Variants in DIS3L2 observed in about 807,000 individuals in gnomAD.
DIS3L2 encodes DIS3 like 3'-5' exoribonuclease 2, also known as DIS3-like exonuclease 2.
A neutral mutation model predicts 97.5 loss-of-function variants in DIS3L2; 34 were observed. The observed-to-expected ratio is 0.35, with a 90% CI of 0.27 to 0.46. The LOEUF is 0.46. DIS3L2 is among the 20% of genes least tolerant of loss of function. The pLI is 1.00. For synonymous variants in DIS3L2, 435 were observed against 445.2 expected (o/e 0.98, Z 0.29); for missense variants, 1,038 against 1,146.0 (o/e 0.91, Z 1.36).
intron 7 of DIS3L2, among the ~76,000 whole-genome samples, chr2:232,133,987 C>CAAAAAA (rs60195881): frequency 3.9e-5 from 3 of 76,324 alleles, no homozygotes; most frequent in African/African-American, 7.3e-5. Flanking sequence ...GACTCTGTCT[C>CAAAAAA]AAAAAAAAAA....
At chr2:232,044,827 A>G (rs1208318013) in intron 5 of DIS3L2, among the ~76,000 whole-genome samples, 1 of 152,094 alleles carries the variant, frequency 6.6e-6, no homozygotes, top group Non-Finnish European at 1.5e-5. Context: ...GCAGCAGGGA[A>G]TGATGTGCCA....
chr2:231,979,409 A>C (rs555480554), intron 1 of DIS3L2, among the ~76,000 whole-genome samples: 1 of 151,620 alleles, frequency 6.6e-6, no homozygotes, highest in Admixed American at 6.6e-5. Flanking sequence ...GGCATTCACC[A>C]CCATGCCCGG....
At chr2:232,254,761 T>C in intron 12 of DIS3L2, among the ~76,000 whole-genome samples, 1 of 152,178 alleles carries the variant, frequency 6.6e-6, no homozygotes, top group African/African-American at 2.4e-5. Context: ...TTGGAGGTAG[T>C]GTCTGGTGCC....
chr2:231,982,958 G>A (rs1450597961), intron 1 of DIS3L2, among the ~76,000 whole-genome samples: 1 of 152,156 alleles, frequency 6.6e-6, no homozygotes, highest in Non-Finnish European at 1.5e-5. Context: ...GGGATTACAG[G>A]TGTGAGCCAC....
chr2:232,022,147 T>G (rs1694536441), intron 3 of DIS3L2, among the ~76,000 whole-genome samples: 1 of 152,168 alleles, frequency 6.6e-6, no homozygotes, highest in Admixed American at 6.5e-5. Context: ...GCCAGCTGCT[T>G]CTCTCAGGCT....
intron 13 of DIS3L2, among the ~76,000 whole-genome samples, chr2:232,299,740 A>G (rs573288444): frequency 3.1e-4 from 47 of 152,374 alleles, no homozygotes; most frequent in African/African-American, 1.1e-3. Flanking sequence ...AGACCCATGA[A>G]AAGAGTCTGC....
chr2:232,195,887 G>A (rs1691739397), intron 9 of DIS3L2, among the ~76,000 whole-genome samples: 1 of 145,910 alleles, frequency 6.9e-6, no homozygotes, highest in African/African-American at 2.8e-5. Context: ...GTTTTATGAA[G>A]GCAGTCTAGT....
Position 232,041,765 on chromosome 2 carries a change from AC to A in DIS3L2, c.366+11686del, listed in dbSNP as rs1458008253. Among the ~76,000 whole-genome samples the A allele has an allele frequency of 7.9e-5, 12 of 152,340 alleles. 1 individual carries two copies. Among genetic ancestry groups the A allele is most frequent in the Middle Eastern group, 3.4e-3 (1 of 294 alleles). The stretch of plus-strand genomic sequence containing the variant: ...GCAAAAGAGATGGATTTCAAGTGAA[AC>A]TTTTACTCATTGAAACTGTTAAAAA... On this transcript the variant is annotated intron_variant, in intron 5 of 20. Transcript: ENST00000325385.
At chr2:232,255,574 G>A in intron 12 of DIS3L2, among the ~76,000 whole-genome samples, 1 of 152,142 alleles carries the variant, frequency 6.6e-6, no homozygotes, top group South Asian at 2.1e-4. Flanking sequence ...AATAAACGCT[G>A]AATAATTTAT....
rs916060836 is a variant in DIS3L2, at chr2:232,163,502, G to C, written c.994G>C (p.Glu332Gln). The change falls in exon 9 of 21, where the codon GAA becomes CAA. Residue 332 changes from glutamate (E) to glutamine (Q), a missense_variant. Coordinates refer to ENST00000325385, the MANE Select transcript of DIS3L2 (RefSeq NM_152383.5). ...TGGGCAGGCTGGTGAAATTGAGCCT[G>C]AAACAGAAGGAATACTAACAGAGTA... ...SLGQAGEIEP[E>Q]TEGILTEYGV... The C allele has an allele frequency of 1.2e-6, 2 of 1,614,130 alleles. No individual in the cohort carries two copies. The highest frequency in any genetic ancestry group is 1.7e-6 in the Non-Finnish European group (2 of 1,179,994).
intron 1 of DIS3L2, among the ~76,000 whole-genome samples, chr2:231,964,443 A>G (rs1299263481): frequency 6.6e-6 from 1 of 152,106 alleles, no homozygotes; most frequent in Admixed American, 6.5e-5. Flanking sequence ...AAGTAGGAGC[A>G]GGTGTTGTTA....
intron 9 of DIS3L2, among the ~76,000 whole-genome samples, chr2:232,187,984 A>G (rs918625984): frequency 6.6e-5 from 10 of 152,144 alleles, no homozygotes; most frequent in Admixed American, 3.3e-4. Context: ...CAAAAATACA[A>G]AAACAATTAC....
intron 13 of DIS3L2, among the ~76,000 whole-genome samples, chr2:232,284,202 G>A (rs950492530): frequency 6.6e-6 from 1 of 152,278 alleles, no homozygotes; most frequent in South Asian, 2.1e-4. Flanking sequence ...GCACAAACTA[G>A]AAGAGGGTCC....
chr2:231,984,666 T>C (rs960688103), intron 1 of DIS3L2, among the ~76,000 whole-genome samples: 2 of 152,152 alleles, frequency 1.3e-5, no homozygotes, highest in Non-Finnish European at 2.9e-5. Context: ...GTGCTGGGAT[T>C]ACAGGCGTGA....
chr2:232,160,349 A>G (rs574126539), intron 8 of DIS3L2, among the ~76,000 whole-genome samples: 57 of 152,222 alleles, frequency 3.7e-4, no homozygotes, highest in Non-Finnish European at 6.2e-4. Flanking sequence ...TCAAGTATCA[A>G]TTTATTTTAA....
At chr2:232,326,936 A>C (rs1048761258) in intron 14 of DIS3L2, among the ~76,000 whole-genome samples, 2 of 152,232 alleles carry the variant, frequency 1.3e-5, no homozygotes, top group African/African-American at 4.8e-5. Context: ...GAGAGCAGGT[A>C]GCGGAGTTGC....
intron 14 of DIS3L2, among the ~76,000 whole-genome samples, chr2:232,317,912 C>G (rs1020007940): frequency 6.6e-6 from 1 of 152,212 alleles, no homozygotes; most frequent in Non-Finnish European, 1.5e-5. Flanking sequence ...TTAATCCTCA[C>G]TAGAATAACC....
rs199879981 is a variant in DIS3L2, at chr2:232,249,311, T to C, written c.1390T>C (p.Phe464Leu). The C allele has an allele frequency of 5.0e-6, 8 of 1,614,232 alleles. No individual in the cohort carries two copies. The East Asian group carries it at 6.7e-5, about 13-fold the overall frequency. ...SLNPMSDKLT[F>L]SVIWTLTPEG... ...CAACCCCATGTCCGACAAGCTGACC[T>C]TCTCTGTGATCTGGACACTGACTCC... The change falls in exon 12 of 21, where the codon TTC becomes CTC. Residue 464 changes from phenylalanine to leucine, a missense_variant. Physicochemically the swap from Phe to Leu is conservative, Grantham distance 22. Around this residue, in one of 3 missense-constraint regions of DIS3L2, gnomAD observed 813 missense variants for 880.1 expected, o/e 0.92. Transcript: ENST00000325385.
Position 232,149,198 on chromosome 2 carries a change from T to G in DIS3L2, c.950+12479T>G, listed in dbSNP as rs578026212. On this transcript the variant is annotated intron_variant, in intron 8 of 20. Transcript: ENST00000325385. ...TTTCATTCCAGCGCTTAAAAGTTTT[T>G]TTTTTTTTTTTATTATATTCTAAGT... is the stretch of plus-strand genomic sequence containing the variant. Among the ~76,000 whole-genome samples the G allele has an allele frequency of 3.3e-5, 5 of 151,476 alleles. No individual in the cohort carries two copies. In the South Asian group the frequency reaches 6.2e-4, roughly 19 times the overall value.
Sources: allele counts gnomAD v4.1 joint callset (sites outside exome capture counted in the v4.1 genomes callset), GRCh38; gene constraint gnomAD v4.1.1; regional missense constraint gnomAD v4.1.1; transcripts MANE v1.5; gene names NCBI Gene and HGNC (gene_info 2026-07-23, HGNC 2026-07-21).